The following REXO4 variants were observed in gnomAD, a reference collection of about 807,000 sequenced individuals.
REXO4 encodes RNA exonuclease 4.
Under a neutral mutation model 39.9 loss-of-function variants are expected in REXO4, and 29 were observed. That is an observed-to-expected ratio of 0.73 (90% CI 0.54 to 0.99). REXO4 has a LOEUF of 0.99. Ranked by LOEUF, REXO4 falls within the 50% of genes least tolerant of loss-of-function variation. REXO4 has a pLI of 0.00. For missense variants in REXO4, 524 were observed against 546.5 expected (o/e 0.96, Z 0.41); for synonymous variants, 184 against 206.2 (o/e 0.89, Z 0.92).
In REXO4 at chr9:133,408,940, G is replaced by A. The variant is rs904797253; in HGVS notation, c.1000-98C>T. 3.1e-4 allele frequency: 84 copies of A among 273,276 alleles called. 1 individual carries two copies. The East Asian group carries it at 5.6e-3, about 18-fold the overall frequency. The allele number at this position is 273,276 out of a possible 1,614,324, so 16.9% of individuals were successfully genotyped here. On this transcript the variant is annotated intron_variant, in intron 5 of 7. Coordinates refer to ENST00000371942, the MANE Select transcript of REXO4 (RefSeq NM_020385.4). ...CCTTTTGCAAGTAACATCTTTGTGT[G>A]TGTGTGTGTGTGTGTGTGTGTGTGT...
At chr9:133,415,082 C>A in intron 1 of REXO4, 71 bp from the exon 2 acceptor site, 1 of 1,258,874 alleles carries the variant, frequency 7.9e-7, no homozygotes. Flanking sequence ...AAAAAACTTA[C>A]GTGTGTATGT....
intron 1 of REXO4, among the ~76,000 whole-genome samples, chr9:133,416,460 G>C (rs587732606): frequency 2.5e-4 from 38 of 152,262 alleles, no homozygotes; most frequent in African/African-American, 8.9e-4. Context: ...TGATCCTCCT[G>C]CCTGGGCCTC....
chr9:133,410,788 G>T (rs1041692450), intron 5 of REXO4, among the ~76,000 whole-genome samples, 197 bp downstream of exon 5: 2 of 152,192 alleles, frequency 1.3e-5, no homozygotes, highest in Non-Finnish European at 2.9e-5. Context: ...TTTCGCTGGG[G>T]GCTCTCAAAA....
chr9:133,407,956 C>T (rs988608790), intron 6 of REXO4, 75 bp from the exon 7 acceptor site: 7 of 1,183,552 alleles, frequency 5.9e-6, no homozygotes, highest in African/African-American at 3.0e-5. Context: ...AAGCAGGGAG[C>T]GGTTGGCTAC....
At chr9:133,407,662 CA>C (rs1838971288) in intron 7 of REXO4, 144 bp downstream of exon 7, 1 of 582,682 alleles carries the variant, frequency 1.7e-6, no homozygotes, top group Non-Finnish European at 3.0e-6. Flanking sequence ...TCCGCTCTAC[CA>C]TTTTTTTTTT....
At chr9:133,410,553 G>C (rs1839159398) in intron 5 of REXO4, among the ~76,000 whole-genome samples, 1 of 152,248 alleles carries the variant, frequency 6.6e-6, no homozygotes, top group African/African-American at 2.4e-5. Flanking sequence ...CGGGACGCCA[G>C]AAAGAAGGCA....
At chr9:133,414,463 T>C in intron 2 of REXO4, 1 of 703,714 alleles carries the variant, frequency 1.4e-6, no homozygotes, top group Non-Finnish European at 2.6e-6. Context: ...TGAGCTCTGC[T>C]CAACGCTCGG....
At chr9:133,414,428 A>G in intron 2 of REXO4, 1 of 688,334 alleles carries the variant, frequency 1.5e-6, no homozygotes. Context: ...CCTTCCACAC[A>G]CGTGTACTGG....
At chr9:133,417,592 G>C (rs1554781905) in intron 1 of REXO4, 28 bp downstream of exon 1, 1 of 1,606,114 alleles carries the variant, frequency 6.2e-7, no homozygotes, top group South Asian at 1.1e-5. Context: ...GCTGCGCAGC[G>C]CTCCGCCCGG....
chr9:133,406,948 G>T lies in REXO4; in HGVS notation c.*5C>A, dbSNP rs781830529. 3 of 1,610,082 alleles carry T rather than the reference G, an allele frequency of 1.9e-6. No homozygotes were observed. The African/African-American group carries it at 4.0e-5, about 21-fold the overall frequency. On this transcript the variant is annotated 3_prime_UTR_variant, in exon 8 of 8. Coordinates refer to ENST00000371942, the MANE Select transcript of REXO4 (RefSeq NM_020385.4). ...CGGGGCGGCAGCAGCAGCAGGGCAG[G>T]ACTGCTAGGCGTCGTCACTGCAGTG... is the stretch of plus-strand genomic sequence containing the variant.
At position 133,407,796 on chromosome 9, in the gene REXO4, G is replaced by C. The variant is rs367886896; in HGVS notation, c.1149+11C>G. On this transcript the variant is annotated intron_variant, in intron 7 of 7. Coordinates refer to ENST00000371942, the MANE Select transcript of REXO4 (RefSeq NM_020385.4). Reference sequence around the variant, plus strand: ...CCAAACCCCATGAACTACCCCACAGGACACACTTACTGAACAGTGCTCCGC... The same window carrying C: ...CCAAACCCCATGAACTACCCCACAGCACACACTTACTGAACAGTGCTCCGC... 1 of 1,612,498 alleles carries C rather than the reference G, an allele frequency of 6.2e-7. No homozygotes were observed. Among genetic ancestry groups the C allele is most frequent in the African/African-American group, 1.3e-5 (1 of 74,788 alleles).
Position 133,417,806 on chromosome 9 carries a change from CG to C in REXO4, c.38del (p.Pro13ArgfsTer33). 6.2e-7 allele frequency: 1 copy of C among 1,606,810 alleles called. No homozygotes were observed. Among genetic ancestry groups the C allele is most frequent in the Non-Finnish European group, 8.5e-7 (1 of 1,179,814 alleles). ...GACCCGGCTTAGCCACGGGGCTGCT[CG>C]GGGCGCGCTTGGAGGCGGGGACCTT... ...KAKVPASKRA[P>X]SSPVAKPGPV... On this transcript the variant is annotated frameshift_variant, in exon 1 of 8. Transcript: ENST00000371942. LOFTEE classifies it high-confidence loss of function.
Position 133,417,743 on chromosome 9 carries a change from T to C in REXO4, c.102A>G (p.Lys34=), listed in dbSNP as rs587728033. 1.7e-5 allele frequency: 27 copies of C among 1,613,872 alleles called. No homozygotes were observed. In the Admixed American group the frequency reaches 2.3e-4, roughly 14 times the overall value. ...KTLTRKKNKK[K]KRFWKSKARE... is the part of the protein sequence containing the mutation. ...GCGCCTTGCTTTTCCAAAACCTTTTTTTCTTCTTGTTTTTCTTCCGAGTGA... is the reference window on the plus strand; with the variant it reads ...GCGCCTTGCTTTTCCAAAACCTTTTCTTCTTCTTGTTTTTCTTCCGAGTGA... The change falls in exon 1 of 8, where the codon AAA becomes AAG. Residue 34 remains lysine (K), a synonymous_variant. Transcript: ENST00000371942.
At chr9:133,409,344 A>G (rs920470934) in intron 5 of REXO4, among the ~76,000 whole-genome samples, 7 of 152,188 alleles carry the variant, frequency 4.6e-5, no homozygotes, top group Non-Finnish European at 7.3e-5. Flanking sequence ...TTTCAACTCC[A>G]GAAGGAAATT....
chr9:133,410,878 A>G (rs1353147055), intron 5 of REXO4, 107 bp downstream of exon 5: 1 of 800,486 alleles, frequency 1.2e-6, no homozygotes, highest in Non-Finnish European at 2.2e-6. Flanking sequence ...TATTCCCAAC[A>G]TAGAGCACAA....
intron 1 of REXO4, 95 bp from the exon 2 acceptor site, chr9:133,415,106 T>C: frequency 1.1e-6 from 1 of 911,728 alleles, no homozygotes. Flanking sequence ...TACACACATA[T>C]ACACCAAACA....
At chr9:133,416,639 G>C (rs587748151) in intron 1 of REXO4, among the ~76,000 whole-genome samples, 1 of 152,356 alleles carries the variant, frequency 6.6e-6, no homozygotes, top group East Asian at 1.9e-4. Context: ...GTCTAGGAGA[G>C]AGCAGGCAAC....
Position 133,414,693 on chromosome 9 carries a change from T to C in REXO4, c.544A>G (p.Lys182Glu), listed in dbSNP as rs782583620. The C allele has an allele frequency of 1.8e-5, 29 of 1,613,952 alleles. No homozygotes were observed. Among genetic ancestry groups the C allele is most frequent in the Non-Finnish European group, 2.5e-5 (29 of 1,179,968 alleles). Residue 182 changes from lysine (K) to glutamate (E), a missense_variant, in exon 2 of 8, where the codon AAG becomes GAG. Transcript: ENST00000371942. ...GTGGGTGGGGCTGGGGCTGCCTCCT[T>C]AGCTTTCCGCTTCTTATGCTCGATG... The part of the protein sequence containing the change: ...GDIEHKKRKA[K>E]EAAPAPPTEE...
chr9:133,414,331 G>A (rs1389264225), intron 2 of REXO4: 3 of 527,622 alleles, frequency 5.7e-6, no homozygotes, highest in Non-Finnish European at 1.1e-5. Context: ...AGGCACAGAG[G>A]ACGTCAGAAA....
Sources: gnomAD v4.1 joint callset for allele counts (sites outside exome capture counted in the v4.1 genomes callset) on GRCh38, gnomAD v4.1.1 for gene constraint, MANE v1.5 for transcripts, NCBI Gene and HGNC (gene_info 2026-07-23, HGNC 2026-07-21) for gene names.